LARP4B: variants seen among roughly 807,000 people sequenced by gnomAD.
The protein encoded by LARP4B is la-related protein 4B.
LARP4B carries 12 observed loss-of-function variants against 89.8 expected under a neutral mutation model. That is an observed-to-expected ratio of 0.13 (90% confidence interval 0.09 to 0.22). The LOEUF (loss-of-function observed/expected upper bound fraction) is 0.22. LARP4B is among the 10% of genes least tolerant of loss of function. LARP4B has a pLI of 1.00. For missense variants in LARP4B, 757 were observed against 947.7 expected, an observed-to-expected ratio of 0.80 and a Z score of 2.64; for synonymous variants, 367 against 363.3, an observed-to-expected ratio of 1.01 and a Z score of -0.12.
intron 5 of LARP4B, among the ~76,000 whole-genome samples, chr10:849,005 G>A (rs776618880): frequency 3.9e-5 from 6 of 152,104 alleles, no homozygotes; most frequent in Admixed American, 2.0e-4. Context: ...CAAAGCATCC[G>A]GGCCACGAGA....
intron 3 of LARP4B, among the ~76,000 whole-genome samples, chr10:871,588 C>T (rs146290642): frequency 1.3e-5 from 2 of 152,284 alleles, no homozygotes; most frequent in Non-Finnish European, 2.9e-5. Context: ...TGTCTGGCAG[C>T]AGGGGACTTC....
intron 3 of LARP4B, among the ~76,000 whole-genome samples, chr10:874,350 C>T (rs1835368935): frequency 6.6e-6 from 1 of 152,144 alleles, no homozygotes; most frequent in Non-Finnish European, 1.5e-5. Flanking sequence ...GATGTCTGAG[C>T]ACTCCAATTA....
At chr10:920,696 C>G (rs1333199148) in intron 1 of LARP4B, among the ~76,000 whole-genome samples, 3 of 152,082 alleles carry the variant, frequency 2.0e-5, no homozygotes, top group African/African-American at 4.8e-5. Context: ...CACTTGAACC[C>G]AGGAGGTGAT....
intron 11 of LARP4B, among the ~76,000 whole-genome samples, chr10:826,114 G>A (rs549429223): frequency 6.6e-6 from 1 of 152,354 alleles, no homozygotes; most frequent in East Asian, 1.9e-4. Flanking sequence ...ACATGCGGAA[G>A]CAGGCACTGA....
chr10:857,209 A>G (rs950868323), intron 5 of LARP4B, among the ~76,000 whole-genome samples: 11 of 152,188 alleles, frequency 7.2e-5, no homozygotes, highest in African/African-American at 2.2e-4. Context: ...ATTATGAGAC[A>G]GGGAATTTAA....
intron 5 of LARP4B, among the ~76,000 whole-genome samples, chr10:858,778 G>T (rs1448211207): frequency 6.6e-6 from 1 of 152,130 alleles, no homozygotes; most frequent in African/African-American, 2.4e-5. Flanking sequence ...AACAAAAAGG[G>T]TGCTTGGCAT....
chr10:890,244 T>A (rs1426024675), intron 1 of LARP4B, among the ~76,000 whole-genome samples: 2 of 152,234 alleles, frequency 1.3e-5, no homozygotes, highest in Non-Finnish European at 2.9e-5. Flanking sequence ...AAAACCTTGT[T>A]AATGAAATAA....
the LARP4B span, among the ~76,000 whole-genome samples, chr10:955,528 C>T: frequency 6.6e-6 from 1 of 152,204 alleles, no homozygotes. The surrounding 1 kb of genome is among the most constrained non-coding windows in gnomAD (Gnocchi z 5.2). Flanking sequence ...TGGAGCATGT[C>T]CTCGCTCCTA....
At chr10:984,121 A>T in the LARP4B span, among the ~76,000 whole-genome samples, 1 of 152,102 alleles carries the variant, frequency 6.6e-6, no homozygotes, top group African/African-American at 2.4e-5. Context: ...ATCAAAGTGA[A>T]TTTTTTTCAC....
rs1033681700 is a variant in LARP4B, at chr10:814,403, A to G, written c.1929+339T>C. 2.4e-5 allele frequency: 9 copies of G among 376,100 alleles called. No individual in the cohort carries two copies. Among genetic ancestry groups the G allele is most frequent in the Admixed American group, 8.0e-5 (2 of 25,030 alleles). The allele number at this position is 376,100 out of a possible 1,614,324, so 23.3% of individuals were successfully genotyped here. A position where few individuals can be genotyped will look rare whatever the true frequency, so the allele number is the denominator to read the frequency against. ...TTCATCAGACACACGATGCGCGCGCACGCACGCAAACATACACACACGCGC... is the reference window on the plus strand; with the variant it reads ...TTCATCAGACACACGATGCGCGCGCGCGCACGCAAACATACACACACGCGC... On this transcript the variant is annotated intron_variant, in intron 17 of 17. Transcript: ENST00000316157. This position sits in a 1 kb window ranked among gnomAD's most constrained non-coding sequence, Gnocchi z 4.4.
chr10:862,257 A>T (rs866726764), intron 5 of LARP4B, among the ~76,000 whole-genome samples: 4 of 31,000 alleles, frequency 1.3e-4, no homozygotes, highest in Non-Finnish European at 2.4e-4. Flanking sequence ...CACTGAAGTT[A>T]AAAAAAAAAA....
At chr10:859,870 G>C (rs971827309) in intron 5 of LARP4B, among the ~76,000 whole-genome samples, 24 of 152,014 alleles carry the variant, frequency 1.6e-4, no homozygotes, top group South Asian at 2.1e-4. Context: ...CTAGGGGTTG[G>C]GGGGAGGGAG....
intron 1 of LARP4B, among the ~76,000 whole-genome samples, chr10:894,214 A>G (rs1836123541): frequency 6.6e-6 from 1 of 152,212 alleles, no homozygotes; most frequent in Admixed American, 6.5e-5. Context: ...TATTTTTGAC[A>G]TGATCAAAGA....
At chr10:922,148 T>C (rs1001803218) in intron 1 of LARP4B, among the ~76,000 whole-genome samples, 1 of 152,190 alleles carries the variant, frequency 6.6e-6, no homozygotes, top group African/African-American at 2.4e-5. Flanking sequence ...CATCAGGCAC[T>C]AGATTCTCAT....
chr10:975,577 G>T, the LARP4B span, among the ~76,000 whole-genome samples: 1 of 152,244 alleles, frequency 6.6e-6, no homozygotes, highest in East Asian at 1.9e-4. Context: ...GCTCCACTGC[G>T]TGGCGAATCG....
At chr10:825,339 G>A in intron 12 of LARP4B, 23 bp from the exon 13 acceptor site, 5 of 1,609,652 alleles carry the variant, frequency 3.1e-6, no homozygotes, top group Middle Eastern at 1.7e-4. Context: ...ATGGTTTTAT[G>A]TGTTGAGTTA....
upstream of LARP4B, among the ~76,000 whole-genome samples, chr10:933,457 T>C (rs1206723362): frequency 6.6e-6 from 1 of 152,170 alleles, no homozygotes; most frequent in Admixed American, 6.5e-5. Flanking sequence ...ATTCTGCATT[T>C]TGGAAGAAAG....
intron 1 of LARP4B, among the ~76,000 whole-genome samples, chr10:919,601 A>G (rs1427119203): frequency 6.6e-6 from 1 of 152,232 alleles, no homozygotes; most frequent in Non-Finnish European, 1.5e-5. Flanking sequence ...AGTGTAAGAT[A>G]GTGTGAAAGA....
rs1045139600 is a variant in LARP4B, at chr10:816,126, G to A, written c.1696-1056C>T. 2.6e-5 allele frequency among the ~76,000 whole-genome samples: 4 copies of A among 152,236 alleles called. 1 individual carries two copies. Among genetic ancestry groups the A allele is most frequent in the Admixed American group, 2.6e-4 (4 of 15,292 alleles). ...TGCCTGTAGTCCCAGCTACTCGGTAGGCCGAGGCAGGAGAATCACTGGAAC... is the reference window on the plus strand; with the variant it reads ...TGCCTGTAGTCCCAGCTACTCGGTAAGCCGAGGCAGGAGAATCACTGGAAC... On this transcript the variant is annotated intron_variant, in intron 15 of 17. Coordinates refer to ENST00000316157, the MANE Select transcript of LARP4B (RefSeq NM_015155.3).
Sources: allele counts gnomAD v4.1 joint callset (sites outside exome capture counted in the v4.1 genomes callset), GRCh38; gene constraint gnomAD v4.1.1; non-coding constraint Gnocchi (gnomAD v3.1); transcripts MANE v1.5; gene names NCBI Gene and HGNC (gene_info 2026-07-23, HGNC 2026-07-21).